SGPP2: variants seen among roughly 807,000 people sequenced by gnomAD.
SGPP2 encodes sphingosine 1-phosphate phosphohydrolase 2.
In SGPP2, 30 loss-of-function variants were observed where a neutral mutation model predicts 33.9. That is an observed-to-expected ratio of 0.89 (90% CI 0.66 to 1.20). The LOEUF (loss-of-function observed/expected upper bound fraction) is 1.20, where lower values mean the gene tolerates loss of function less well. Among genes scored for constraint, SGPP2 ranks in the 50% most tolerant of loss-of-function variants. The pLI is 0.00. For synonymous variants in SGPP2, 233 were observed against 225.0 expected (o/e 1.04, Z -0.32); for missense variants, 458 against 532.1 (o/e 0.86, Z 1.37).
At chr2:222,532,519 T>C (rs1233578330) in intron 4 of SGPP2, among the ~76,000 whole-genome samples, 1 of 151,988 alleles carries the variant, frequency 6.6e-6, no homozygotes, top group East Asian at 1.9e-4. Context: ...TGTGTCATCA[T>C]CCTCACCAAA....
At chr2:222,466,224 C>T (rs1416361715) in intron 1 of SGPP2, among the ~76,000 whole-genome samples, 1 of 151,252 alleles carries the variant, frequency 6.6e-6, no homozygotes, top group Admixed American at 6.6e-5. Flanking sequence ...AGACATGGCC[C>T]CTGTTTGGAA....
Position 222,466,582 on chromosome 2 carries a change from A to G in SGPP2, c.220-7986A>G, listed in dbSNP as rs193025385. 6.8e-4 allele frequency among the ~76,000 whole-genome samples: 104 copies of G among 152,276 alleles called. 3 individuals are homozygous for G. The East Asian group carries it at 0.019, about 27-fold the overall frequency. On this transcript the variant is annotated intron_variant, in intron 1 of 4. Transcript: ENST00000321276. Reference sequence around the variant, plus strand: ...CTTAATTTTTATTTTCAGAAAACATAACGACAGTTGTTCCCTGCAAAGGCC... The same window carrying G: ...CTTAATTTTTATTTTCAGAAAACATGACGACAGTTGTTCCCTGCAAAGGCC...
chr2:222,439,012 C>A (rs904179410), intron 1 of SGPP2, among the ~76,000 whole-genome samples: 1 of 152,054 alleles, frequency 6.6e-6, no homozygotes, highest in Non-Finnish European at 1.5e-5. Context: ...GGATGAGTAC[C>A]CACAGTAAGT....
chr2:222,492,919 T>C (rs886874110), intron 2 of SGPP2, among the ~76,000 whole-genome samples: 9 of 152,210 alleles, frequency 5.9e-5, no homozygotes, highest in Admixed American at 5.9e-4. Flanking sequence ...AGGATGTTCC[T>C]CATCTCCATA....
At chr2:222,509,255 G>A (rs978268312) in intron 2 of SGPP2, among the ~76,000 whole-genome samples, 1 of 152,140 alleles carries the variant, frequency 6.6e-6, no homozygotes, top group Admixed American at 6.5e-5. Flanking sequence ...GTGAATGTTT[G>A]GGGTGATGGG....
At chr2:222,543,367 TC>T (rs1699025536) in intron 4 of SGPP2, among the ~76,000 whole-genome samples, 1 of 152,190 alleles carries the variant, frequency 6.6e-6, no homozygotes, top group South Asian at 2.1e-4. Context: ...ATACAGTCGT[TC>T]CCTGTTATCC....
rs148316473 is a variant in SGPP2, at chr2:222,524,974, G to A, written c.589G>A (p.Val197Met). ...ATTTGTGTTGGGACTGGTGATGGCC[G>A]TGGTGTTTTCCACCTTGGTGTGTCT... is the stretch of plus-strand genomic sequence containing the variant. ...YPFVLGLVMA[V>M]VFSTLVCLSR... Residue 197 changes from valine (V) to methionine (M), a missense_variant, in exon 4 of 5, where the codon GTG becomes ATG. By Grantham distance (21) the Val-to-Met change is conservative. Transcript: ENST00000321276. 2.7e-4 allele frequency: 439 copies of A among 1,613,998 alleles called. No individual in the cohort carries two copies. Among genetic ancestry groups the A allele is most frequent in the African/African-American group, 1.6e-3 (117 of 75,016 alleles).
At chr2:222,431,237 G>C (rs1204485997) in intron 1 of SGPP2, among the ~76,000 whole-genome samples, 1 of 151,644 alleles carries the variant, frequency 6.6e-6, no homozygotes, top group African/African-American at 2.4e-5. Context: ...CTCTCTTGAG[G>C]TCAGGAGTTG....
At chr2:222,510,082 A>T (rs1698503204) in intron 2 of SGPP2, among the ~76,000 whole-genome samples, 2 of 152,208 alleles carry the variant, frequency 1.3e-5, no homozygotes, top group African/African-American at 4.8e-5. Context: ...TCCATTGTAA[A>T]TATATAGCAC....
At chr2:222,456,283 C>T (rs1697572188) in intron 1 of SGPP2, among the ~76,000 whole-genome samples, 1 of 152,104 alleles carries the variant, frequency 6.6e-6, no homozygotes, top group African/African-American at 2.4e-5. Context: ...TCAGACTCTC[C>T]CATTCCACAC....
At chr2:222,545,611 T>C (rs1689176523) in intron 4 of SGPP2, among the ~76,000 whole-genome samples, 1 of 151,992 alleles carries the variant, frequency 6.6e-6, no homozygotes, top group Non-Finnish European at 1.5e-5. Context: ...TTGTCTGTTA[T>C]TGTTTAGGAA....
At position 222,508,336 on chromosome 2, in the gene SGPP2, CAA is replaced by C. The variant is rs1214266950; in HGVS notation, c.379-13430_379-13429del. 2.6e-5 allele frequency among the ~76,000 whole-genome samples: 4 copies of C among 152,244 alleles called. No homozygotes were observed. In the East Asian group the frequency reaches 7.7e-4, roughly 29 times the overall value. On this transcript the variant is annotated intron_variant, in intron 2 of 4. Transcript: ENST00000321276. ...TGCTAGACGGCGTGGTGTGGTGAAA[CAA>C]TGATAAAATTTGGAATCAGAAAACC...
In SGPP2 at chr2:222,524,955, G is replaced by T. The variant is rs1298639858; in HGVS notation, c.570G>T (p.Val190=). Residue 190 remains valine, a synonymous_variant, in exon 4 of 5, where the codon GTG becomes GTT. Transcript: ENST00000321276. The part of the protein sequence containing the change: ...STMDRYQYPF[V]LGLVMAVVFS... ...TCCTTCCCCCACAGTATCCATTTGTGTTGGGACTGGTGATGGCCGTGGTGT... is the reference window on the plus strand; with the variant it reads ...TCCTTCCCCCACAGTATCCATTTGTTTTGGGACTGGTGATGGCCGTGGTGT... 2 of 1,613,944 alleles carry T rather than the reference G, an allele frequency of 1.2e-6. No individual in the cohort carries two copies. The highest frequency in any genetic ancestry group is 8.5e-7 in the Non-Finnish European group (1 of 1,179,882).
At chr2:222,502,716 G>T (rs1439750750) in intron 2 of SGPP2, among the ~76,000 whole-genome samples, 1 of 152,188 alleles carries the variant, frequency 6.6e-6, no homozygotes, top group Non-Finnish European at 1.5e-5. Flanking sequence ...TTGGATAAAG[G>T]CAGCAGCTGC....
Position 222,562,551 on chromosome 2 carries a change from CTGTATG to C in SGPP2, c.*3655_*3660del, listed in dbSNP as rs1559182276. Among the ~76,000 whole-genome samples the C allele has an allele frequency of 6.6e-6, 1 of 152,142 alleles. No homozygotes were observed. Among genetic ancestry groups the C allele is most frequent in the East Asian group, 1.9e-4 (1 of 5,198 alleles). On this transcript the variant is annotated 3_prime_UTR_variant, in exon 5 of 5. Coordinates refer to ENST00000321276, the MANE Select transcript of SGPP2 (RefSeq NM_152386.4). ...AACCTTCAGCTGTCTTGCTTATGTA[CTGTATG>C]TAAATTTATTCTTTTTAAAAATCAC...
chr2:222,499,330 C>T (rs1698330960), intron 2 of SGPP2, among the ~76,000 whole-genome samples: 1 of 152,212 alleles, frequency 6.6e-6, no homozygotes, highest in Non-Finnish European at 1.5e-5. Flanking sequence ...CAGAGTTAAT[C>T]ACTCACTGGC....
intron 4 of SGPP2, among the ~76,000 whole-genome samples, chr2:222,530,353 T>C (rs1698820393): frequency 6.6e-6 from 1 of 152,252 alleles, no homozygotes; most frequent in African/African-American, 2.4e-5. Flanking sequence ...GATGGCATCT[T>C]CTTCCAATGT....
chr2:222,471,312 A>G (rs1036925139), intron 1 of SGPP2, among the ~76,000 whole-genome samples: 7 of 152,160 alleles, frequency 4.6e-5, no homozygotes, highest in African/African-American at 1.4e-4. Flanking sequence ...GGGGAGGTAG[A>G]GCTGCTGGAA....
intron 4 of SGPP2, among the ~76,000 whole-genome samples, chr2:222,548,254 T>C (rs1432632083): frequency 6.6e-6 from 1 of 152,202 alleles, no homozygotes; most frequent in African/African-American, 2.4e-5. Context: ...GGAAATCAGG[T>C]TTTACCTTCT....
Sources: gnomAD v4.1 joint callset for allele counts (sites outside exome capture counted in the v4.1 genomes callset) on GRCh38, gnomAD v4.1.1 for gene constraint, MANE v1.5 for transcripts, NCBI Gene and HGNC (gene_info 2026-07-23, HGNC 2026-07-21) for gene names.